Variants in THSD4 observed in about 807,000 individuals in gnomAD.
THSD4 encodes the protein thrombospondin type-1 domain-containing protein 4.
Under a neutral mutation model 119.0 loss-of-function variants are expected in THSD4, and 69 were observed. The observed-to-expected ratio is 0.58, with a 90% CI of 0.48 to 0.71. The LOEUF (loss-of-function observed/expected upper bound fraction) is 0.71. Ranked by LOEUF, THSD4 falls within the 30% of genes least tolerant of loss-of-function variation. THSD4 has a pLI of 0.00. For missense variants in THSD4, 1,393 were observed against 1,391.1 expected (o/e 1.00, Z -0.02); for synonymous variants, 524 against 540.4 (o/e 0.97, Z 0.42).
At chr15:71,526,703 G>C (rs1158270592) in intron 7 of THSD4, among the ~76,000 whole-genome samples, 2 of 152,158 alleles carry the variant, frequency 1.3e-5, no homozygotes, top group Admixed American at 1.3e-4. Flanking sequence ...TTCCAATTAG[G>C]TGATGTGAAT....
chr15:71,412,233 C>T (rs2046699682), intron 7 of THSD4, among the ~76,000 whole-genome samples: 1 of 152,154 alleles, frequency 6.6e-6, no homozygotes, highest in South Asian at 2.1e-4. Context: ...TCTTGCCTCT[C>T]CCCAGAAGGG....
chr15:71,395,740 C>T (rs183142001), intron 6 of THSD4, among the ~76,000 whole-genome samples: 201 of 152,016 alleles, frequency 1.3e-3, no homozygotes, highest in African/African-American at 4.8e-3. Flanking sequence ...AGCCCCTGTC[C>T]CCCGACTCCC....
intron 7 of THSD4, among the ~76,000 whole-genome samples, chr15:71,533,251 T>C (rs946050321): frequency 1.3e-5 from 2 of 152,216 alleles, no homozygotes; most frequent in East Asian, 1.9e-4. Context: ...CTAGGAAATA[T>C]AGATTTGCAA....
chr15:71,597,819 G>T (rs7177013), intron 7 of THSD4, among the ~76,000 whole-genome samples: 1 of 152,082 alleles, frequency 6.6e-6, no homozygotes, highest in Admixed American at 6.5e-5. Flanking sequence ...CTTCCAAGAT[G>T]CCAGGGCCCT....
At chr15:71,294,873 T>G (rs2044841025) in intron 6 of THSD4, among the ~76,000 whole-genome samples, 1 of 151,562 alleles carries the variant, frequency 6.6e-6, no homozygotes, top group Admixed American at 6.6e-5. Context: ...ACTCGGAAGG[T>G]TGTTATTTTA....
Position 71,682,374 on chromosome 15 carries a change from C to T in THSD4, c.1357+21640C>T, listed in dbSNP as rs573247230. 1.4e-4 allele frequency among the ~76,000 whole-genome samples: 22 copies of T among 152,306 alleles called. No homozygotes were observed. In the South Asian group the frequency reaches 1.5e-3, roughly 10 times the overall value. ...AATTTTCACAAAGTGAACACAGTCA[C>T]GTCACTAGTACTCAGATGAAGAAAT... On this transcript the variant is annotated intron_variant, in intron 8 of 17. Transcript: ENST00000261862.
rs553563906 is a variant in THSD4, at chr15:71,720,392, T to C, written c.1358-8157T>C. On this transcript the variant is annotated intron_variant, in intron 8 of 17. Coordinates refer to ENST00000261862, the MANE Select transcript of THSD4 (RefSeq NM_024817.3). ...TTAAAATAGGAGAACTCCTAGAAGA[T>C]CTAATAATTATCATAATTTCAAAAT... Among the ~76,000 whole-genome samples the C allele has an allele frequency of 2.6e-5, 4 of 152,286 alleles. No individual in the cohort carries two copies. In the South Asian group the frequency reaches 8.3e-4, roughly 32 times the overall value.
At chr15:71,438,623 T>C (rs2047047686) in intron 7 of THSD4, among the ~76,000 whole-genome samples, 1 of 152,232 alleles carries the variant, frequency 6.6e-6, no homozygotes, top group Admixed American at 6.5e-5. Flanking sequence ...CATAATTGAA[T>C]AGTCCACCTT....
chr15:71,352,445 G>T (rs1028781321), intron 6 of THSD4, among the ~76,000 whole-genome samples: 8 of 152,256 alleles, frequency 5.3e-5, no homozygotes, highest in South Asian at 2.1e-4. Context: ...TGTTTCCCAC[G>T]GTCATGGCCC....
intron 3 of THSD4, among the ~76,000 whole-genome samples, chr15:71,193,851 C>A (rs931283763): frequency 1.3e-5 from 2 of 152,146 alleles, no homozygotes; most frequent in East Asian, 3.9e-4. Flanking sequence ...CCTGGGACTA[C>A]AGGCGCCCGC....
intron 2 of THSD4, among the ~76,000 whole-genome samples, 176 bp downstream of exon 2, chr15:71,141,732 G>T (rs551797858): frequency 6.6e-6 from 1 of 152,332 alleles, no homozygotes; most frequent in Non-Finnish European, 1.5e-5. Flanking sequence ...CAAGGCCTTG[G>T]GAGCTGTGTG....
chr15:71,685,609 G>GA (rs1482217804), intron 8 of THSD4, among the ~76,000 whole-genome samples: 1 of 152,102 alleles, frequency 6.6e-6, no homozygotes, highest in African/African-American at 2.4e-5. Context: ...AATCTATTGT[G>GA]ATAGATTATT....
At chr15:71,327,065 T>C (rs2045355358) in intron 6 of THSD4, among the ~76,000 whole-genome samples, 1 of 151,198 alleles carries the variant, frequency 6.6e-6, no homozygotes, top group Admixed American at 6.6e-5. Flanking sequence ...TACTCGGGAT[T>C]CTGAGACGGG....
At chr15:71,230,315 A>G (rs1286098390) in intron 4 of THSD4, among the ~76,000 whole-genome samples, 1 of 152,226 alleles carries the variant, frequency 6.6e-6, no homozygotes, top group Non-Finnish European at 1.5e-5. Flanking sequence ...GTTACTCTGG[A>G]GAAATGAATG....
chr15:71,601,655 T>G (rs2050013120), intron 7 of THSD4, among the ~76,000 whole-genome samples: 1 of 152,244 alleles, frequency 6.6e-6, no homozygotes. Flanking sequence ...TTCAGATTTG[T>G]GAATCACAAG....
At chr15:71,113,875 T>C (rs954860393), upstream of THSD4, 5 of 152,224 alleles carry the variant, frequency 3.3e-5, no homozygotes, top group African/African-American at 1.2e-4. Flanking sequence ...TTTAACCATT[T>C]TTAAGTGTAT....
chr15:71,247,798 AAGTAAT>A (rs2044218799), intron 5 of THSD4, among the ~76,000 whole-genome samples: 1 of 152,348 alleles, frequency 6.6e-6, no homozygotes, highest in African/African-American at 2.4e-5. Flanking sequence ...TGAGGGCTAA[AAGTAAT>A]AGGAACTCAA....
chr15:71,362,827 T>A (rs2045910088), intron 6 of THSD4, among the ~76,000 whole-genome samples: 1 of 152,188 alleles, frequency 6.6e-6, no homozygotes, highest in East Asian at 1.9e-4. Context: ...GTGTTTTATA[T>A]TCTTCTCTAT....
chr15:71,472,304 C>A (rs2047591668), intron 7 of THSD4, among the ~76,000 whole-genome samples: 1 of 152,164 alleles, frequency 6.6e-6, no homozygotes, highest in African/African-American at 2.4e-5. Flanking sequence ...TGCTTATAAA[C>A]TTAAGAGTCA....
Sources: gnomAD v4.1 joint callset for allele counts (sites outside exome capture counted in the v4.1 genomes callset) on GRCh38, gnomAD v4.1.1 for gene constraint, MANE v1.5 for transcripts, NCBI Gene and HGNC (gene_info 2026-07-23, HGNC 2026-07-21) for gene names.